NUDT3: variants seen among roughly 807,000 people sequenced by gnomAD.
NUDT3 encodes the protein diphosphoinositol polyphosphate phosphohydrolase 1.
A neutral mutation model predicts 23.6 loss-of-function variants in NUDT3; 9 were observed. That is an observed-to-expected ratio of 0.38 (90% CI 0.23 to 0.66). The LOEUF is 0.66. NUDT3 is among the 30% of genes least tolerant of loss of function. The pLI is 0.52. For missense variants in NUDT3, 172 were observed against 218.5 expected (o/e 0.79, Z 1.34); for synonymous variants, 86 against 82.6 (o/e 1.04, Z -0.22).
intron 1 of NUDT3, among the ~76,000 whole-genome samples, chr6:34,372,269 T>C (rs1316705577): frequency 6.6e-6 from 1 of 152,204 alleles, no homozygotes; most frequent in Non-Finnish European, 1.5e-5. Context: ...AGTAATGGGA[T>C]GGCTGGGTCA....
chr6:34,304,521 CAAGAATATACATATTTT>C (rs1255864763), intron 2 of NUDT3, among the ~76,000 whole-genome samples: 1 of 152,128 alleles, frequency 6.6e-6, no homozygotes, highest in Non-Finnish European at 1.5e-5. Context: ...AAATAGTCTT[CAAGAATATACATATTTT>C]AAAATTTTAG....
intron 2 of NUDT3, among the ~76,000 whole-genome samples, chr6:34,336,850 C>A (rs1191751818): frequency 6.6e-6 from 1 of 151,996 alleles, no homozygotes; most frequent in Non-Finnish European, 1.5e-5. Context: ...ATCCACAGAG[C>A]CCCTCAAAAA....
chr6:34,390,873 A>G (rs545938043), intron 1 of NUDT3, among the ~76,000 whole-genome samples: 1 of 152,342 alleles, frequency 6.6e-6, no homozygotes, highest in South Asian at 2.1e-4. Context: ...AATAAGCACC[A>G]CCAATAATTT....
At chr6:34,332,583 T>G (rs927931748) in intron 2 of NUDT3, among the ~76,000 whole-genome samples, 6 of 152,234 alleles carry the variant, frequency 3.9e-5, no homozygotes, top group Non-Finnish European at 8.8e-5. Context: ...AAGGGTCAAC[T>G]GTATTTACAT....
intron 1 of NUDT3, among the ~76,000 whole-genome samples, chr6:34,375,409 T>C (rs1561922981): frequency 6.6e-6 from 1 of 152,206 alleles, no homozygotes. Context: ...CTCCTGCTCA[T>C]AGTTTATCCT....
chr6:34,387,111 AAAC>A (rs996235264), intron 1 of NUDT3, among the ~76,000 whole-genome samples: 7 of 152,204 alleles, frequency 4.6e-5, no homozygotes, highest in African/African-American at 1.7e-4. Flanking sequence ...CCCTGTCTCA[AAAC>A]AACAACAACA....
At chr6:34,372,993 G>A (rs568122639) in intron 1 of NUDT3, among the ~76,000 whole-genome samples, 16 of 151,536 alleles carry the variant, frequency 1.1e-4, no homozygotes, top group Non-Finnish European at 1.9e-4. Flanking sequence ...GAGAGCACGC[G>A]CGTGTGCCGG....
chr6:34,304,924 C>T (rs1490340257), intron 2 of NUDT3, among the ~76,000 whole-genome samples: 1 of 150,224 alleles, frequency 6.7e-6, no homozygotes, highest in Non-Finnish European at 1.5e-5. Context: ...CTCCTGCCCT[C>T]GCCTCCCAAA....
intron 1 of NUDT3, among the ~76,000 whole-genome samples, chr6:34,375,030 T>G (rs1373736375): frequency 3.3e-5 from 5 of 152,208 alleles, no homozygotes; most frequent in African/African-American, 1.2e-4. Flanking sequence ...TTCCACCTCC[T>G]TTTGAGCCCA....
At chr6:34,301,655 G>C (rs991692756) in intron 2 of NUDT3, among the ~76,000 whole-genome samples, 2 of 152,250 alleles carry the variant, frequency 1.3e-5, no homozygotes, top group Non-Finnish European at 1.5e-5. Flanking sequence ...CTCAGAGCTA[G>C]CTGCAGACAT....
Position 34,341,909 on chromosome 6 carries a change from G to T in NUDT3, c.163C>A (p.Pro55Thr). The T allele has an allele frequency of 6.2e-7, 1 of 1,614,018 alleles. No homozygotes were observed. The highest frequency in any genetic ancestry group is 8.5e-7 in the Non-Finnish European group (1 of 1,179,946). Residue 55 changes from proline to threonine, a missense_variant, in exon 2 of 5, where the codon CCC (proline) becomes ACC (threonine). Coordinates refer to ENST00000607016, the MANE Select transcript of NUDT3 (RefSeq NM_006703.4). ...GCTGCCACACTTGGCTCCTCCTCGG[G>T]CTCCATGCCTCCTCCAGGGACAATC... The part of the protein sequence containing the change: ...RWIVPGGGME[P>T]EEEPSVAAVR...
At chr6:34,344,636 T>C (rs891964193) in intron 1 of NUDT3, among the ~76,000 whole-genome samples, 2 of 151,944 alleles carry the variant, frequency 1.3e-5, no homozygotes, top group Non-Finnish European at 2.9e-5. Context: ...AAATGGTGAT[T>C]GCCAAATGCC....
chr6:34,371,235 C>G (rs1004365658), intron 1 of NUDT3, among the ~76,000 whole-genome samples: 8 of 152,058 alleles, frequency 5.3e-5, no homozygotes, highest in Non-Finnish European at 7.4e-5. Flanking sequence ...CTTTGGGAGG[C>G]CGAGGCAGGC....
chr6:34,319,221 T>C (rs1051171807), intron 2 of NUDT3, among the ~76,000 whole-genome samples: 5 of 152,132 alleles, frequency 3.3e-5, no homozygotes, highest in Admixed American at 6.5e-5. Context: ...TGCCAGCAGG[T>C]TGTCATCCAA....
At chr6:34,293,685 T>A in intron 3 of NUDT3, 150 bp from the exon 4 acceptor site, 1 of 899,086 alleles carries the variant, frequency 1.1e-6, no homozygotes, top group Non-Finnish European at 1.6e-6. Flanking sequence ...TATAGCTACA[T>A]GATTTAAAGC....
intron 2 of NUDT3, among the ~76,000 whole-genome samples, chr6:34,331,845 G>T (rs976847095): frequency 2.6e-5 from 4 of 152,040 alleles, no homozygotes; most frequent in Admixed American, 2.0e-4. Flanking sequence ...AGTTGGTAGG[G>T]TGCCAACTCC....
chr6:34,319,684 G>A (rs1287647892), intron 2 of NUDT3, among the ~76,000 whole-genome samples: 1 of 152,152 alleles, frequency 6.6e-6, no homozygotes, highest in Non-Finnish European at 1.5e-5. Flanking sequence ...AATACTAATC[G>A]ACTGAGTAGG....
intron 2 of NUDT3, among the ~76,000 whole-genome samples, chr6:34,335,458 A>C (rs1764194802): frequency 6.6e-6 from 1 of 152,050 alleles, no homozygotes; most frequent in African/African-American, 2.4e-5. Context: ...TAAATATTAT[A>C]ATGTTTATTA....
chr6:34,384,512 A>G (rs1765073508), intron 1 of NUDT3, among the ~76,000 whole-genome samples: 1 of 152,182 alleles, frequency 6.6e-6, no homozygotes, highest in South Asian at 2.1e-4. Flanking sequence ...GAGTACAAAC[A>G]AGCCCATCCC....
Sources: gnomAD v4.1 joint callset for allele counts (sites outside exome capture counted in the v4.1 genomes callset) on GRCh38, gnomAD v4.1.1 for gene constraint, MANE v1.5 for transcripts, NCBI Gene and HGNC (gene_info 2026-07-23, HGNC 2026-07-21) for gene names.